The following CARD9 variants were observed in gnomAD, a reference collection of about 807,000 sequenced individuals.
CARD9 encodes caspase recruitment domain-containing protein 9.
Under a neutral mutation model 66.0 loss-of-function variants are expected in CARD9, and 53 were observed. The ratio of observed to expected loss-of-function variants is 0.80; its 90% confidence interval spans 0.64 to 1.01. The LOEUF is 1.01. CARD9 is among the 50% of genes least tolerant of loss of function. CARD9 has a pLI of 0.00. For missense variants in CARD9, 769 were observed against 743.2 expected (o/e 1.03, Z -0.40); for synonymous variants, 387 against 313.8 (o/e 1.23, Z -2.47).
At chr9:136,366,983 CAG>C (rs144972289) in intron 9 of CARD9, 138 bp from the exon 10 acceptor site, 17,891 of 1,130,692 alleles carry the variant, frequency 0.016, 208 homozygotes, top group Middle Eastern at 0.018. Flanking sequence ...CTCAGAGACT[CAG>C]GTGCCCAGCA....
intron 8 of CARD9, 168 bp from the exon 9 acceptor site, chr9:136,367,425 G>T: frequency 1.0e-6 from 1 of 962,994 alleles, no homozygotes; most frequent in Non-Finnish European, 1.6e-6. Flanking sequence ...TGATGGCCAG[G>T]CCCAGGACCC....
At chr9:136,366,032 C>G (rs986570416) in intron 10 of CARD9, 1 of 152,662 alleles carries the variant, frequency 6.6e-6, no homozygotes, top group African/African-American at 2.4e-5. Context: ...CCTCCTTCCC[C>G]TTCCGCCTCT....
chr9:136,373,017 G>A (rs1336063359), intron 1 of CARD9, among the ~76,000 whole-genome samples: 1 of 152,228 alleles, frequency 6.6e-6, no homozygotes, highest in Non-Finnish European at 1.5e-5. Context: ...GCATGGTGGG[G>A]GCCTCAGCCG....
In CARD9 at chr9:136,370,372, C is replaced by T. The variant is rs1231660686; in HGVS notation, c.873G>A (p.Leu291=). The change falls in exon 6 of 13, where the codon CTG becomes CTA. Residue 291 remains leucine, a synonymous_variant. Coordinates refer to ENST00000371732, the MANE Select transcript of CARD9 (RefSeq NM_052813.5). ...QVLEEDWRQA[L]RDHQEQANTI... is the part of the protein sequence containing the mutation. Reference sequence around the variant, plus strand: ...TGTTGGCCTGCTCCTGGTGGTCCCGCAGCGCCTGCCGCCAGTCCTCCTCCA... The same window carrying T: ...TGTTGGCCTGCTCCTGGTGGTCCCGTAGCGCCTGCCGCCAGTCCTCCTCCA... The T allele has an allele frequency of 1.3e-5, 21 of 1,609,876 alleles. No homozygotes were observed. The highest frequency in any genetic ancestry group is 1.5e-5 in the Non-Finnish European group (18 of 1,178,982).
intron 1 of CARD9, among the ~76,000 whole-genome samples, chr9:136,373,055 A>C (rs1159410577): frequency 6.6e-6 from 1 of 152,200 alleles, no homozygotes; most frequent in Non-Finnish European, 1.5e-5. Flanking sequence ...TGAGACTGGG[A>C]CTGCGGCAAG....
chr9:136,372,658 C>T (rs1564370656), intron 1 of CARD9, among the ~76,000 whole-genome samples: 1 of 152,244 alleles, frequency 6.6e-6, no homozygotes, highest in Non-Finnish European at 1.5e-5. Flanking sequence ...TGACCGACGC[C>T]TGCTCACATC....
At chr9:136,364,654 G>C in intron 11 of CARD9, 95 bp from the exon 12 acceptor site, 1 of 1,271,140 alleles carries the variant, frequency 7.9e-7, no homozygotes, top group Non-Finnish European at 1.1e-6. Flanking sequence ...CTGCAGACTG[G>C]TTGGGAGGCG....
Position 136,364,244 on chromosome 9 carries a change from C to T in CARD9, c.*58G>A, listed in dbSNP as rs1281599696. ...CTGCGCCCCAGGGCGTCGGCACCCC[C>T]GGGTGGCAGGAGGCCGGGCCGGTGG... On this transcript the variant is annotated 3_prime_UTR_variant, in exon 13 of 13. Transcript: ENST00000371732. The T allele has an allele frequency of 6.4e-7, 1 of 1,550,448 alleles. No homozygotes were observed. The highest frequency in any genetic ancestry group is 1.2e-5 in the South Asian group (1 of 84,052).
Position 136,364,364 on chromosome 9 carries a change from G to A in CARD9, c.1549C>T (p.Gln517Ter). ...ALRKMQKGWRQGEEDRENTTG... is the reference protein window; with the variant it reads ...ALRKMQKGWR ...GTGTTCTCCCGGTCCTCCTCCCCCT[G>A]CCGCCATCCTTTCTGCATCTTCCTG... The change falls in exon 13 of 13, where the codon CAG (glutamine) becomes TAG (stop). Residue 517 changes from glutamine (Q) to a stop codon, truncating the protein, a stop_gained. Transcript: ENST00000371732. LOFTEE classifies it high-confidence loss of function. The A allele has an allele frequency of 6.4e-7, 1 of 1,569,356 alleles. No individual in the cohort carries two copies. The highest frequency in any genetic ancestry group is 8.6e-7 in the Non-Finnish European group (1 of 1,159,068).
rs1348702255 is a variant in CARD9, at chr9:136,370,874, G to C, written c.594C>G (p.Ala198=). 1 of 1,604,714 alleles carries C rather than the reference G, an allele frequency of 6.2e-7. No homozygotes were observed. The highest frequency in any genetic ancestry group is 2.2e-5 in the East Asian group (1 of 44,670). Residue 198 remains alanine (A), a synonymous_variant, in exon 4 of 13, where the codon GCC becomes GCG. Transcript: ENST00000371732. ...GCAGGTCACGGTTCCGCATGAGCGC[G>C]GCGCCCTTCTCCTCACTCTGGTGCG... The part of the protein sequence containing the change: ...RLAHQSEEKG[A]ALMRNRDLQL...
intron 7 of CARD9, among the ~76,000 whole-genome samples, chr9:136,368,938 G>A (rs1289433808): frequency 6.6e-6 from 1 of 152,142 alleles, no homozygotes; most frequent in Non-Finnish European, 1.5e-5. Context: ...TCCTGCCTCA[G>A]CCTCCTGAGT....
At chr9:136,365,687 C>T in intron 10 of CARD9, 1 of 178,360 alleles carries the variant, frequency 5.6e-6, no homozygotes, top group East Asian at 1.7e-4. Context: ...GCGGCTGGAC[C>T]CCCTCAGAAA....
At position 136,371,890 on chromosome 9, in the gene CARD9, C is replaced by T. The variant is rs759352089; in HGVS notation, c.184+5G>A. ...GGGGCCTGGGGCCCGCGGGGCAACA[C>T]TGACCCACTTTCCGTTTGCGGATGA... On this transcript the variant is annotated splice_donor_5th_base_variant and intron_variant, in intron 2 of 12. Transcript: ENST00000371732. 6.3e-7 allele frequency: 1 copy of T among 1,595,936 alleles called. No homozygotes were observed. The highest frequency in any genetic ancestry group is 1.7e-5 in the Admixed American group (1 of 59,546).
At position 136,367,551 on chromosome 9, in the gene CARD9, G is replaced by A. The variant is rs769402703; in HGVS notation, c.1269+86C>T. 3.1e-5 allele frequency: 45 copies of A among 1,451,984 alleles called. 1 individual carries two copies. The highest frequency in any genetic ancestry group is 3.9e-5 in the South Asian group (3 of 76,666). The allele number at this position is 1,451,984 out of a possible 1,614,324, so 89.9% of individuals were successfully genotyped here. On this transcript the variant is annotated intron_variant, in intron 8 of 12. Coordinates refer to ENST00000371732, the MANE Select transcript of CARD9 (RefSeq NM_052813.5). Reference sequence around the variant, plus strand: ...GCCCGTCACAGAGAAGGGTTGGGTCGGGAAGGCCGGGGCTGAGGCTCCGTG... The same window carrying A: ...GCCCGTCACAGAGAAGGGTTGGGTCAGGAAGGCCGGGGCTGAGGCTCCGTG...
At chr9:136,372,745 G>T (rs1833305583) in intron 1 of CARD9, among the ~76,000 whole-genome samples, 1 of 152,248 alleles carries the variant, frequency 6.6e-6, no homozygotes, top group Non-Finnish European at 1.5e-5. Context: ...TGCAGCTGCG[G>T]GGTCGCTGCA....
chr9:136,370,951 G>T lies in CARD9; in HGVS notation c.517C>A (p.Arg173Ser), dbSNP rs759264924. Residue 173 changes from arginine (R) to serine (S), a missense_variant, in exon 4 of 13, where the codon CGC becomes AGC. By Grantham distance (110) the Arg-to-Ser change is moderately radical. Coordinates refer to ENST00000371732, the MANE Select transcript of CARD9 (RefSeq NM_052813.5). ...TCCTCCTTGCAGCGCTTGAGCTCGC[G>T]GCTGCCGGCCTCGCACTCCTCCTTG... ...RLKEECEAGSRELKRCKEENY... is the reference protein window; with the variant it reads ...RLKEECEAGSSELKRCKEENY... The T allele has an allele frequency of 6.2e-7, 1 of 1,611,560 alleles. No homozygotes were observed.
intron 1 of CARD9, 83 bp downstream of exon 1, chr9:136,373,449 T>G: frequency 1.0e-6 from 1 of 973,840 alleles, no homozygotes; most frequent in Non-Finnish European, 1.2e-6. Context: ...CTCAGGCTGC[T>G]CTGGGGGATC....
At position 136,367,444 on chromosome 9, in the gene CARD9, C is replaced by T. The variant is rs781345390; in HGVS notation, c.1270-187G>A. 5 of 922,552 alleles carry T rather than the reference C, an allele frequency of 5.4e-6. No individual in the cohort carries two copies. The Admixed American group carries it at 1.1e-4, about 21-fold the overall frequency. 57.1% of individuals were successfully genotyped at this position (922,552 alleles called of 1,614,324 possible). On this transcript the variant is annotated intron_variant, in intron 8 of 12. Coordinates refer to ENST00000371732, the MANE Select transcript of CARD9 (RefSeq NM_052813.5). Reference sequence around the variant, plus strand: ...GGCCAGGCCCAGGACCCACCCCGGCCCTGCAGCCCCACTTCCTGCTGGGAC... The same window carrying T: ...GGCCAGGCCCAGGACCCACCCCGGCTCTGCAGCCCCACTTCCTGCTGGGAC...
rs1490904290 is a variant in CARD9 at position 136,364,011 on chromosome 9, T to C, written c.*291A>G. Reference sequence around the variant, plus strand: ...GCTGTGTTTTCTAACACTAATACAATGCATGCATGTATTGTGTGTTACATG... The same window carrying C: ...GCTGTGTTTTCTAACACTAATACAACGCATGCATGTATTGTGTGTTACATG... On this transcript the variant is annotated 3_prime_UTR_variant, in exon 13 of 13. Transcript: ENST00000371732. 2.3e-6 allele frequency: 3 copies of C among 1,322,682 alleles called. No individual in the cohort carries two copies. The highest frequency in any genetic ancestry group is 3.2e-6 in the Non-Finnish European group (3 of 939,312). The allele number at this position is 1,322,682 out of a possible 1,614,324, so 81.9% of individuals were successfully genotyped here.
Sources: allele counts gnomAD v4.1 joint callset (sites outside exome capture counted in the v4.1 genomes callset), GRCh38; gene constraint gnomAD v4.1.1; transcripts MANE v1.5; gene names NCBI Gene and HGNC (gene_info 2026-07-23, HGNC 2026-07-21).